The following RTL4 variants were observed in gnomAD, a reference collection of about 807,000 sequenced individuals.
RTL4 encodes retrotransposon Gag like 4.
Under a neutral mutation model 5.3 loss-of-function variants are expected in RTL4, and 4 were observed. The ratio of observed to expected loss-of-function variants is 0.75; its 90% CI spans 0.37 to 1.72. The LOEUF (loss-of-function observed/expected upper bound fraction) is 1.72. Among genes scored for constraint, RTL4 ranks in the 40% most tolerant of loss-of-function variants. The probability of loss-of-function intolerance (pLI) is 0.04; values close to 1 mark genes in which losing one functional copy is unlikely to be tolerated. For synonymous variants in RTL4, 98 were observed against 87.3 expected, an observed-to-expected ratio of 1.12 and a Z score of -0.68; for missense variants, 260 against 227.1, an observed-to-expected ratio of 1.14 and a Z score of -0.93.
At chrX:112,324,195 C>T in the RTL4 span, among the ~76,000 whole-genome samples, 4 of 112,256 alleles carry the variant, frequency 3.6e-5, no homozygotes, top group Admixed American at 9.5e-5. Context: ...TGTGGCCTTT[C>T]GTATCTGGCT....
the RTL4 span, among the ~76,000 whole-genome samples, chrX:112,121,730 A>C: frequency 1.5e-4 from 17 of 111,784 alleles, no homozygotes; most frequent in Non-Finnish European, 9.4e-5. Flanking sequence ...AAGATAGTTC[A>C]TTAAGATCCA....
At chrX:112,329,676 T>C in the RTL4 span, among the ~76,000 whole-genome samples, 1 of 110,970 alleles carries the variant, frequency 9.0e-6, no homozygotes, top group South Asian at 3.9e-4. Flanking sequence ...AGCATCATCC[T>C]GATACCAAAG....
chrX:112,352,936 C>A, the RTL4 span, among the ~76,000 whole-genome samples: 1 of 111,292 alleles, frequency 9.0e-6, no homozygotes. Context: ...TACTTATCTG[C>A]CAAAGGGCTA....
chrX:112,354,116 T>C, the RTL4 span, among the ~76,000 whole-genome samples: 1 of 111,124 alleles, frequency 9.0e-6, no homozygotes, highest in Non-Finnish European at 1.9e-5. Flanking sequence ...AGTCTAAAGC[T>C]GGAGAGACTT....
chrX:112,156,652 G>A, the RTL4 span, among the ~76,000 whole-genome samples: 3 of 112,129 alleles, frequency 2.7e-5, no homozygotes, highest in East Asian at 8.5e-4. Flanking sequence ...AGAGGCTGGA[G>A]TGGGTGGGGG....
the RTL4 span, chrX:112,382,286 C>T: frequency 5.1e-6 from 4 of 786,262 alleles, no homozygotes; most frequent in Non-Finnish European, 7.3e-6. Flanking sequence ...CTACATTAAC[C>T]TGGTTAGAAA....
upstream of RTL4, among the ~76,000 whole-genome samples, chrX:112,450,010 C>T (rs1194319657): frequency 8.9e-6 from 1 of 112,091 alleles, no homozygotes; most frequent in Non-Finnish European, 1.9e-5. Flanking sequence ...GCTTCTGTGG[C>T]CACAGCATTC....
the RTL4 span, among the ~76,000 whole-genome samples, chrX:112,288,903 G>A: frequency 8.9e-6 from 1 of 111,881 alleles, no homozygotes; most frequent in Non-Finnish European, 1.9e-5. Context: ...TTTTTCCACA[G>A]GATGAGGATT....
chrX:112,248,027 G>A, the RTL4 span, among the ~76,000 whole-genome samples: 57 of 112,267 alleles, frequency 5.1e-4, 1 homozygote, highest in Non-Finnish European at 2.1e-4. Flanking sequence ...GGAGTCAACC[G>A]GCCTCAAACC....
the RTL4 span, among the ~76,000 whole-genome samples, chrX:112,234,419 A>C: frequency 9.0e-6 from 1 of 111,090 alleles, no homozygotes; most frequent in Middle Eastern, 4.7e-3. Flanking sequence ...ACCCTGGATT[A>C]ATACAAAATA....
At chrX:112,144,156 T>C in the RTL4 span, among the ~76,000 whole-genome samples, 1 of 111,619 alleles carries the variant, frequency 9.0e-6, no homozygotes, top group Non-Finnish European at 1.9e-5. Flanking sequence ...TTTAATTTGC[T>C]AACATCTTCT....
the RTL4 span, among the ~76,000 whole-genome samples, chrX:112,166,615 A>T: frequency 1.3e-4 from 14 of 111,815 alleles, no homozygotes; most frequent in Non-Finnish European, 2.6e-4. Context: ...TTTCTCTTTT[A>T]CTCAGGTTAA....
At chrX:112,098,522 G>C in the RTL4 span, among the ~76,000 whole-genome samples, 2,388 of 111,424 alleles carry the variant, frequency 0.021, 77 homozygotes, top group African/African-American at 0.074. Flanking sequence ...CTAGATCCCT[G>C]AGGAATGACC....
At chrX:112,380,431 C>A in the RTL4 span, among the ~76,000 whole-genome samples, 1 of 111,892 alleles carries the variant, frequency 8.9e-6, no homozygotes, top group African/African-American at 3.2e-5. Context: ...GGATTACAGG[C>A]GTGAGCCACC....
At chrX:112,114,732 G>T in the RTL4 span, among the ~76,000 whole-genome samples, 1 of 111,178 alleles carries the variant, frequency 9.0e-6, no homozygotes, top group African/African-American at 3.3e-5. Flanking sequence ...CAATAGGAAG[G>T]GGAGCTATCG....
At chrX:112,297,798 T>C in the RTL4 span, among the ~76,000 whole-genome samples, 1 of 111,811 alleles carries the variant, frequency 8.9e-6, no homozygotes, top group African/African-American at 3.2e-5. Flanking sequence ...AGATTTTTCA[T>C]AGGCCTACTC....
chrX:112,164,772 C>T, the RTL4 span, among the ~76,000 whole-genome samples: 1 of 112,263 alleles, frequency 8.9e-6, no homozygotes, highest in East Asian at 2.8e-4. Context: ...TTCCTTACAG[C>T]TGTATAGGAC....
the RTL4 span, among the ~76,000 whole-genome samples, chrX:112,085,258 C>T: frequency 6.0e-4 from 67 of 112,566 alleles, no homozygotes; most frequent in Non-Finnish European, 1.1e-3. Context: ...ATGGAAGCCA[C>T]TATCTGACTA....
the RTL4 span, among the ~76,000 whole-genome samples, chrX:112,160,777 G>A: frequency 9.0e-6 from 1 of 111,129 alleles, no homozygotes; most frequent in East Asian, 2.8e-4. Context: ...AACTGAGGGA[G>A]TGTGTATCTA....
Sources: allele counts gnomAD v4.1 joint callset (sites outside exome capture counted in the v4.1 genomes callset), GRCh38; gene constraint gnomAD v4.1.1; transcripts MANE v1.5; gene names NCBI Gene and HGNC (gene_info 2026-07-23, HGNC 2026-07-21).